Variants in POLA1 observed in about 807,000 individuals in gnomAD.
The protein encoded by POLA1 is DNA polymerase alpha catalytic subunit.
Under a neutral mutation model 124.0 loss-of-function variants are expected in POLA1, and 15 were observed. The ratio of observed to expected loss-of-function variants is 0.12; its 90% confidence interval spans 0.08 to 0.19. The LOEUF (loss-of-function observed/expected upper bound fraction) is 0.19. Ranked by LOEUF, POLA1 falls within the 10% of genes least tolerant of loss-of-function variation. POLA1 has a pLI of 1.00. For missense variants in POLA1, 886 were observed against 1,103.4 expected (o/e 0.80, Z 2.79); for synonymous variants, 408 against 389.4 (o/e 1.05, Z -0.56).
intron 26 of POLA1, among the ~76,000 whole-genome samples, chrX:24,750,614 A>G (rs1427195978): frequency 8.9e-6 from 1 of 112,469 alleles, no homozygotes; most frequent in African/African-American, 3.2e-5. Flanking sequence ...CAGTGATGTG[A>G]TAGAAGCTTT....
intron 34 of POLA1, among the ~76,000 whole-genome samples, chrX:24,884,319 T>C (rs1487501606): frequency 1.8e-5 from 2 of 110,691 alleles, no homozygotes; most frequent in Non-Finnish European, 3.8e-5. Flanking sequence ...CAGCTAATTT[T>C]TGTATTTTTG....
chrX:24,994,781 G>A (rs1215715378), intron 36 of POLA1, among the ~76,000 whole-genome samples: 2 of 111,109 alleles, frequency 1.8e-5, no homozygotes, highest in Non-Finnish European at 3.8e-5. Context: ...CGCGGGGAAA[G>A]CAGCCTCTCC....
At chrX:24,908,016 G>A (rs1220314868) in intron 35 of POLA1, among the ~76,000 whole-genome samples, 1 of 111,051 alleles carries the variant, frequency 9.0e-6, no homozygotes, top group Non-Finnish European at 1.9e-5. Context: ...ACATTCTGAA[G>A]TATAGACTAT....
At chrX:24,905,023 C>CAA (rs59707195) in intron 35 of POLA1, among the ~76,000 whole-genome samples, 866 of 43,883 alleles carry the variant, frequency 0.02, 11 homozygotes, top group Non-Finnish European at 0.025. Context: ...GACTCTGTCT[C>CAA]AAAAAAAAAA....
intron 31 of POLA1, among the ~76,000 whole-genome samples, chrX:24,823,183 A>G (rs1406115135): frequency 9.0e-6 from 1 of 111,591 alleles, no homozygotes; most frequent in Non-Finnish European, 1.9e-5. Flanking sequence ...TTTTAAAAGT[A>G]TGATTCATAT....
intron 26 of POLA1, among the ~76,000 whole-genome samples, chrX:24,796,151 T>C (rs979438330): frequency 9.0e-6 from 1 of 110,791 alleles, no homozygotes; most frequent in African/African-American, 3.3e-5. Flanking sequence ...TAGGAGGCTC[T>C]TGTGACTTGA....
intron 10 of POLA1, among the ~76,000 whole-genome samples, 186 bp downstream of exon 10, chrX:24,717,944 T>G (rs1269666488): frequency 9.0e-6 from 1 of 111,144 alleles, no homozygotes; most frequent in African/African-American, 3.3e-5. Flanking sequence ...CTGCCCTCAC[T>G]TAACATGTAT....
At chrX:24,937,413 T>C (rs1271646241) in intron 36 of POLA1, among the ~76,000 whole-genome samples, 1 of 111,989 alleles carries the variant, frequency 8.9e-6, no homozygotes, top group Non-Finnish European at 1.9e-5. Flanking sequence ...TCTTTATAAT[T>C]TTATATATTT....
At chrX:24,758,829 G>A (rs898898567) in intron 26 of POLA1, among the ~76,000 whole-genome samples, 1 of 111,489 alleles carries the variant, frequency 9.0e-6, no homozygotes, top group Non-Finnish European at 1.9e-5. Flanking sequence ...ACAGGCACCC[G>A]CCACCGTGCC....
intron 36 of POLA1, among the ~76,000 whole-genome samples, chrX:24,994,912 C>T (rs1046446098): frequency 2.7e-5 from 3 of 111,002 alleles, no homozygotes; most frequent in African/African-American, 6.6e-5. Context: ...CATGTAGGGC[C>T]GGGCGCAGTG....
At chrX:24,925,370 T>C (rs1263115386) in intron 35 of POLA1, among the ~76,000 whole-genome samples, 3 of 111,781 alleles carry the variant, frequency 2.7e-5, no homozygotes, top group Non-Finnish European at 5.6e-5. Flanking sequence ...GATTTTGCTG[T>C]GGATAATCTC....
chrX:24,754,643 C>G (rs1932505731), intron 26 of POLA1, among the ~76,000 whole-genome samples: 1 of 111,644 alleles, frequency 9.0e-6, no homozygotes, highest in African/African-American at 3.3e-5. Context: ...TCCCCATCCT[C>G]TCTCATTTCT....
intron 26 of POLA1, among the ~76,000 whole-genome samples, chrX:24,791,907 A>G (rs1004492084): frequency 8.9e-6 from 1 of 111,960 alleles, no homozygotes; most frequent in Non-Finnish European, 1.9e-5. Context: ...TATTCTCTAT[A>G]GTGGGAGTTT....
rs562723947 is a variant in POLA1 at position 24,730,577 on chromosome X, T to C, written c.1687-1793T>C. Among the ~76,000 whole-genome samples the C allele has an allele frequency of 7.1e-5, 8 of 112,165 alleles. No homozygotes were observed. In the South Asian group the frequency reaches 2.9e-3, roughly 41 times the overall value. The stretch of plus-strand genomic sequence containing the variant: ...TCTAATAAAAGGAAATTGGGCGCTC[T>C]GGAGTAATGGCAGATTCAGGGAAGG... On this transcript the variant is annotated intron_variant, in intron 15 of 36. Coordinates refer to ENST00000379068, the MANE Select transcript of POLA1 (RefSeq NM_001330360.2).
chrX:24,821,492 G>A lies in POLA1; in HGVS notation c.3470G>A (p.Ser1157Asn), dbSNP rs369599709. 3.3e-6 allele frequency: 4 copies of A among 1,201,215 alleles called. No homozygotes were observed. The highest frequency in any genetic ancestry group is 4.5e-6 in the Non-Finnish European group (4 of 887,803). ...KDPQDYPDKK[S>N]LPHVHVALWI... ...CCCCAGGATTACCCTGATAAAAAAA[G>A]CCTACCTCATGTACATGTTGCCCTC... Residue 1157 changes from serine (S) to asparagine (N), a missense_variant, in exon 31 of 37, where the codon AGC (serine) becomes AAC (asparagine). By Grantham distance (46) the Ser-to-Asn change is conservative. This residue lies in a region of POLA1 where 313 missense variants were observed against 359.7 expected (regional missense o/e 0.87). Coordinates refer to ENST00000379068, the MANE Select transcript of POLA1 (RefSeq NM_001330360.2).
intron 36 of POLA1, among the ~76,000 whole-genome samples, chrX:24,972,740 C>G (rs896824955): frequency 8.9e-6 from 1 of 112,344 alleles, no homozygotes; most frequent in Non-Finnish European, 1.9e-5. Context: ...CTAACAAGGT[C>G]TGGATAAATC....
intron 35 of POLA1, among the ~76,000 whole-genome samples, chrX:24,898,384 G>T (rs985232702): frequency 2.7e-5 from 3 of 112,207 alleles, no homozygotes; most frequent in African/African-American, 9.7e-5. Flanking sequence ...AGTGTATTTG[G>T]AAATCACAGT....
chrX:24,902,921 A>G (rs1473009569), intron 35 of POLA1, among the ~76,000 whole-genome samples: 1 of 112,230 alleles, frequency 8.9e-6, no homozygotes, highest in Non-Finnish European at 1.9e-5. Context: ...ACCCCGAAAA[A>G]GACTTGAAGT....
intron 36 of POLA1, among the ~76,000 whole-genome samples, chrX:24,952,249 C>T (rs867714750): frequency 8.9e-6 from 1 of 112,100 alleles, no homozygotes; most frequent in Non-Finnish European, 1.9e-5. Flanking sequence ...ATTTTACTCC[C>T]ATAACCTTCT....
Sources: gnomAD v4.1 joint callset for allele counts (sites outside exome capture counted in the v4.1 genomes callset) on GRCh38, gnomAD v4.1.1 for gene constraint, gnomAD v4.1.1 regional missense constraint, MANE v1.5 for transcripts, NCBI Gene and HGNC (gene_info 2026-07-23, HGNC 2026-07-21) for gene names.